Variants in SPMAP2 observed in about 807,000 individuals in gnomAD.
SPMAP2 encodes Theg homolog.
At chr19:367,039 A>G in the SPMAP2 span, 1 of 1,611,610 alleles carries the variant, frequency 6.2e-7, no homozygotes, top group Non-Finnish European at 8.5e-7. Context: ...ACATCAGGAA[A>G]TGCCTAGCCT....
the SPMAP2 span, chr19:373,543 G>T: frequency 1.2e-6 from 2 of 1,612,536 alleles, no homozygotes; most frequent in Middle Eastern, 3.3e-4. Flanking sequence ...TGGAATAAGC[G>T]GACGGCTCAG....
the SPMAP2 span, chr19:372,721 A>G: frequency 6.2e-7 from 1 of 1,613,648 alleles, no homozygotes; most frequent in South Asian, 1.1e-5. Context: ...TGGGAAACGG[A>G]GTCAGTGAAC....
chr19:367,382 G>A, the SPMAP2 span, among the ~76,000 whole-genome samples: 45 of 152,154 alleles, frequency 3.0e-4, no homozygotes, highest in Non-Finnish European at 5.3e-4. Context: ...TAACTATCAC[G>A]CATAAAGAGC....
the SPMAP2 span, chr19:367,220 G>C: frequency 7.5e-5 from 119 of 1,595,616 alleles, no homozygotes; most frequent in Non-Finnish European, 9.8e-5. Context: ...GGATACCTGG[G>C]ACACCTGGAA....
the SPMAP2 span, chr19:367,334 G>C: frequency 9.1e-7 from 1 of 1,098,022 alleles, no homozygotes. Context: ...GACAGACTGG[G>C]AAGAAGTTGG....
At chr19:362,713 C>T in the SPMAP2 span, among the ~76,000 whole-genome samples, 6 of 144,128 alleles carry the variant, frequency 4.2e-5, no homozygotes, top group South Asian at 1.1e-3. Context: ...TTGCAGTGAG[C>T]GCAGATCGCG....
At chr19:371,263 A>C in the SPMAP2 span, 1 of 1,521,492 alleles carries the variant, frequency 6.6e-7, no homozygotes, top group Non-Finnish European at 8.8e-7. Context: ...CAGTTCCTTC[A>C]GGCGACTCGA....
the SPMAP2 span, among the ~76,000 whole-genome samples, chr19:366,375 T>C: frequency 6.6e-6 from 1 of 152,118 alleles, no homozygotes; most frequent in East Asian, 1.9e-4. Flanking sequence ...TACCAGTGTA[T>C]GGATGTTTAT....
the SPMAP2 span, among the ~76,000 whole-genome samples, chr19:364,609 G>A: frequency 6.6e-6 from 1 of 152,078 alleles, no homozygotes; most frequent in African/African-American, 2.4e-5. Flanking sequence ...GCCAACACAG[G>A]TGACCCTGGT....
the SPMAP2 span, chr19:373,921 G>T: frequency 6.2e-7 from 1 of 1,611,494 alleles, no homozygotes; most frequent in East Asian, 2.2e-5. Flanking sequence ...GCACACGGCG[G>T]AGACAGCCCT....
the SPMAP2 span, among the ~76,000 whole-genome samples, chr19:365,002 T>G: frequency 9.2e-5 from 14 of 152,354 alleles, no homozygotes; most frequent in South Asian, 8.3e-4. Context: ...AGACCAGCCC[T>G]GGCTCTGTGA....
chr19:375,513 C>T, the SPMAP2 span: 87 of 864,350 alleles, frequency 1.0e-4, no homozygotes, highest in East Asian at 1.6e-3. Context: ...TAGGCTGACT[C>T]GGCAGGGCCG....
At chr19:364,301 C>T in the SPMAP2 span, among the ~76,000 whole-genome samples, 6 of 137,164 alleles carry the variant, frequency 4.4e-5, no homozygotes, top group South Asian at 2.3e-4. Flanking sequence ...CGCGCCACTG[C>T]GCTCCAGCCT....
chr19:372,911 G>T, the SPMAP2 span, among the ~76,000 whole-genome samples: 1 of 152,216 alleles, frequency 6.6e-6, no homozygotes, highest in Non-Finnish European at 1.5e-5. Flanking sequence ...AGGCTTGAAG[G>T]TCCTTTCTCG....
the SPMAP2 span, chr19:371,184 C>CGG: frequency 7.3e-7 from 1 of 1,379,072 alleles, no homozygotes; most frequent in Non-Finnish European, 9.6e-7. Flanking sequence ...GGGTGAGTCG[C>CGG]GGGGGGCACG....
the SPMAP2 span, among the ~76,000 whole-genome samples, chr19:364,995 C>T: frequency 6.6e-6 from 1 of 152,204 alleles, no homozygotes; most frequent in Admixed American, 6.5e-5. Flanking sequence ...TCTTGGCAGA[C>T]CAGCCCTGGC....
chr19:375,594 C>G, the SPMAP2 span: 1 of 1,426,944 alleles, frequency 7.0e-7, no homozygotes, highest in Non-Finnish European at 9.3e-7. Context: ...GGGCTGCTGC[C>G]CTCCCCCCAC....
chr19:366,968 G>C, the SPMAP2 span: 2 of 1,317,116 alleles, frequency 1.5e-6, no homozygotes, highest in African/African-American at 3.1e-5. Flanking sequence ...TTTCATGGGG[G>C]AGAGCTTCCC....
At chr19:364,315 T>G in the SPMAP2 span, among the ~76,000 whole-genome samples, 1 of 120,432 alleles carries the variant, frequency 8.3e-6, no homozygotes, top group South Asian at 2.5e-4. Context: ...CCAGCCTGGG[T>G]GACAGAGCGA....
Sources: gnomAD v4.1 joint callset for allele counts (sites outside exome capture counted in the v4.1 genomes callset) on GRCh38, gnomAD v4.1.1 for gene constraint, MANE v1.5 for transcripts, NCBI Gene and HGNC (gene_info 2026-07-23, HGNC 2026-07-21) for gene names.